PUM2: variants seen among roughly 807,000 people sequenced by gnomAD.
The protein encoded by PUM2 is pumilio RNA binding family member 2.
PUM2 carries 57 observed loss-of-function variants against 124.5 expected under a neutral mutation model. That is an observed-to-expected ratio of 0.46 (90% CI 0.37 to 0.57). The LOEUF (loss-of-function observed/expected upper bound fraction) is 0.57, where lower values mean the gene tolerates loss of function less well. PUM2 is among the 20% of genes least tolerant of loss of function. The pLI is 0.00. For missense variants in PUM2, 1,065 were observed against 1,290.6 expected, an observed-to-expected ratio of 0.83 and a Z score of 2.68; for synonymous variants, 460 against 446.1, an observed-to-expected ratio of 1.03 and a Z score of -0.39.
At chr2:20,287,648 G>A (rs1469242801) in intron 10 of PUM2, among the ~76,000 whole-genome samples, 1 of 152,180 alleles carries the variant, frequency 6.6e-6, no homozygotes, top group Non-Finnish European at 1.5e-5. Context: ...AGCACTTTGG[G>A]AGGCCAAGGC....
Position 20,250,726 on chromosome 2 carries a change from C to T in PUM2, c.*859G>A, listed in dbSNP as rs1183944457. On this transcript the variant is annotated 3_prime_UTR_variant, in exon 21 of 21. Coordinates refer to ENST00000361078, the MANE Select transcript of PUM2 (RefSeq NM_015317.5). ...AGCAAAATAAAGCTCAACACTTCCT[C>T]AACATGTCTGTAATTCTATAAGCAA... is the stretch of plus-strand genomic sequence containing the variant. 3 of 152,340 alleles carry T rather than the reference C, an allele frequency of 2.0e-5. No individual in the cohort carries two copies. Among genetic ancestry groups the T allele is most frequent in the Non-Finnish European group, 4.4e-5 (3 of 67,982 alleles). 9.4% of individuals were successfully genotyped at this position (152,340 alleles called of 1,614,324 possible).
At chr2:20,340,283 T>C (rs1686976307) in intron 1 of PUM2, among the ~76,000 whole-genome samples, 1 of 152,208 alleles carries the variant, frequency 6.6e-6, no homozygotes, top group African/African-American at 2.4e-5. Context: ...CCAACAGCAA[T>C]GTAAGATAGG....
At chr2:20,333,299 C>T (rs919250744) in intron 1 of PUM2, among the ~76,000 whole-genome samples, 2 of 152,008 alleles carry the variant, frequency 1.3e-5, no homozygotes, top group Non-Finnish European at 2.9e-5. Flanking sequence ...ATTATTGAGG[C>T]TATGGTGGGA....
chr2:20,266,214 A>T (rs1558503215), intron 13 of PUM2, among the ~76,000 whole-genome samples: 1 of 152,274 alleles, frequency 6.6e-6, no homozygotes, highest in East Asian at 1.9e-4. Context: ...AGGCTGAGGA[A>T]GGCACATAGC....
chr2:20,351,051 CG>C (rs1280064147), upstream of PUM2, among the ~76,000 whole-genome samples: 1 of 152,176 alleles, frequency 6.6e-6, no homozygotes, highest in Non-Finnish European at 1.5e-5. Flanking sequence ...CCTCACCTTG[CG>C]GGCTCGCGCT....
chr2:20,302,647 C>A (rs1224458331), intron 7 of PUM2, among the ~76,000 whole-genome samples: 1 of 152,102 alleles, frequency 6.6e-6, no homozygotes, highest in East Asian at 1.9e-4. Flanking sequence ...CATTTTGAGT[C>A]CAGTACCACA....
At chr2:20,281,877 G>A (rs946493766) in intron 12 of PUM2, among the ~76,000 whole-genome samples, 2 of 152,080 alleles carry the variant, frequency 1.3e-5, no homozygotes, top group African/African-American at 4.8e-5. Flanking sequence ...CATCCTTCCT[G>A]TATATATGAA....
intron 8 of PUM2, among the ~76,000 whole-genome samples, chr2:20,294,744 T>C (rs372954575): frequency 7.9e-5 from 12 of 152,344 alleles, no homozygotes; most frequent in Admixed American, 2.0e-4. Flanking sequence ...AATAAACTGA[T>C]AGGACACTTA....
Position 20,253,937 on chromosome 2 carries a change from T to A in PUM2, c.2948A>T (p.Asn983Ile), listed in dbSNP as rs764528731. 4 of 1,614,070 alleles carry A rather than the reference T, an allele frequency of 2.5e-6. No homozygotes were observed. In the South Asian group the frequency reaches 4.4e-5, roughly 18 times the overall value. The stretch of plus-strand genomic sequence containing the variant: ...GTATAAGGCACTGTGAGGACCATCA[T>A]TCTGGCAGCAAACCTCGTCAATCAG... ...ALLIDEVCCQNDGPHSALYTM... is the reference protein window; with the variant it reads ...ALLIDEVCCQIDGPHSALYTM... Residue 983 changes from asparagine (N) to isoleucine (I), a missense_variant, in exon 20 of 21, where the codon AAT becomes ATT. By Grantham distance (149) the Asn-to-Ile change is moderately radical (BLOSUM62 -3). Coordinates refer to ENST00000361078, the MANE Select transcript of PUM2 (RefSeq NM_015317.5).
At position 20,282,630 on chromosome 2, in the gene PUM2, G is replaced by T. The variant is rs188237426; in HGVS notation, c.1720+317C>A. On this transcript the variant is annotated intron_variant, in intron 12 of 20. Transcript: ENST00000361078. ...CAAACATTATGTAGTGAATGAAGAT[G>T]AGCTAATAATTAGTGAATAATATAT... Among the ~76,000 whole-genome samples, 250 of 152,234 alleles carry T rather than the reference G, an allele frequency of 1.6e-3. 2 individuals are homozygous for T. The highest frequency in any genetic ancestry group is 5.9e-3 in the African/African-American group (244 of 41,544).
chr2:20,279,975 A>AG (rs1671121273), intron 12 of PUM2, among the ~76,000 whole-genome samples: 1 of 152,168 alleles, frequency 6.6e-6, no homozygotes, highest in African/African-American at 2.4e-5. Flanking sequence ...TTAAATGACA[A>AG]GCTCTATATT....
At position 20,283,477 on chromosome 2, in the gene PUM2, A is replaced by G; in HGVS notation, c.1301T>C (p.Val434Ala). The G allele has an allele frequency of 6.2e-7, 1 of 1,609,648 alleles. No homozygotes were observed. The highest frequency in any genetic ancestry group is 8.5e-7 in the Non-Finnish European group (1 of 1,177,948). ...ATCATAATAGGCAGTTGGAGCTAGT[A>G]CTTGATAGCCTAAATAAAATAAAGG... ...GLATGMPGYQ[V>A]LAPTAYYDQT... is the part of the protein sequence containing the mutation. The change falls in exon 11 of 21, where the codon GTA becomes GCA. Residue 434 changes from valine to alanine, a missense_variant. Physicochemically the swap from Val to Ala is moderately conservative, Grantham distance 64. Around this residue, in one of 3 missense-constraint regions of PUM2, gnomAD observed 968 missense variants for 1,159.8 expected, o/e 0.83. Transcript: ENST00000361078.
intron 13 of PUM2, among the ~76,000 whole-genome samples, chr2:20,266,044 C>T (rs1472704718): frequency 4.6e-5 from 7 of 152,166 alleles, no homozygotes; most frequent in African/African-American, 4.8e-5. Flanking sequence ...AACAGAACTC[C>T]TGTGCACATC....
chr2:20,254,084 GA>G (rs1388106088), intron 19 of PUM2, 70 bp from the exon 20 acceptor site: 1 of 1,320,848 alleles, frequency 7.6e-7, no homozygotes, highest in African/African-American at 1.5e-5. Flanking sequence ...TTGACTTATA[GA>G]AAGAATCTTC....
chr2:20,281,201 T>A (rs894530134), intron 12 of PUM2, among the ~76,000 whole-genome samples: 1 of 152,194 alleles, frequency 6.6e-6, no homozygotes, highest in African/African-American at 2.4e-5. Context: ...ACTAATGCTC[T>A]CTAAAGCAAG....
chr2:20,252,550 T>G (rs1014818048), intron 20 of PUM2, among the ~76,000 whole-genome samples: 5 of 152,366 alleles, frequency 3.3e-5, no homozygotes, highest in African/African-American at 1.2e-4. Context: ...GTTATGTAAT[T>G]CATGTTTTGT....
intron 14 of PUM2, among the ~76,000 whole-genome samples, chr2:20,262,421 T>A (rs1004833889): frequency 1.3e-5 from 2 of 152,260 alleles, no homozygotes; most frequent in African/African-American, 4.8e-5. Context: ...TACAGTGACA[T>A]GCTGTACAGA....
At chr2:20,253,636 T>A (rs768864455) in intron 20 of PUM2, among the ~76,000 whole-genome samples, 186 bp downstream of exon 20, 15 of 152,028 alleles carry the variant, frequency 9.9e-5, no homozygotes, top group Non-Finnish European at 2.1e-4. Flanking sequence ...AAAGCCCCCA[T>A]GCCTGGCCAT....
intron 13 of PUM2, among the ~76,000 whole-genome samples, chr2:20,275,754 C>CT (rs1160096794): frequency 1.3e-5 from 2 of 151,764 alleles, no homozygotes; most frequent in Admixed American, 1.3e-4. Flanking sequence ...TTAAATACTA[C>CT]TATGGGGAAG....
Sources: allele counts gnomAD v4.1 joint callset (sites outside exome capture counted in the v4.1 genomes callset), GRCh38; gene constraint gnomAD v4.1.1; regional missense constraint gnomAD v4.1.1; transcripts MANE v1.5; gene names NCBI Gene and HGNC (gene_info 2026-07-23, HGNC 2026-07-21).